Variants in TAFA1 observed in about 807,000 individuals in gnomAD.
TAFA1 encodes chemokine-like protein TAFA-1.
A neutral mutation model predicts 18.5 loss-of-function variants in TAFA1; 4 were observed. The observed-to-expected ratio is 0.22, with a 90% CI of 0.11 to 0.49. TAFA1 has a LOEUF of 0.49. Ranked by LOEUF, TAFA1 falls within the 20% of genes least tolerant of loss-of-function variation. The pLI is 0.98. For synonymous variants in TAFA1, 56 were observed against 55.2 expected, an observed-to-expected ratio of 1.01 and a Z score of -0.06; for missense variants, 147 against 169.0, an observed-to-expected ratio of 0.87 and a Z score of 0.72.
chr3:68,160,776 T>G (rs2065915991), intron 2 of TAFA1, among the ~76,000 whole-genome samples: 1 of 152,202 alleles, frequency 6.6e-6, no homozygotes, highest in African/African-American at 2.4e-5. Context: ...CTGGAGCCTG[T>G]GCTTTTATCT....
chr3:68,484,068 C>T (rs1321853584), intron 3 of TAFA1, among the ~76,000 whole-genome samples: 1 of 152,222 alleles, frequency 6.6e-6, no homozygotes, highest in Admixed American at 6.5e-5. Flanking sequence ...TAAAAAGACA[C>T]AAGTAAACTT....
intron 3 of TAFA1, among the ~76,000 whole-genome samples, chr3:68,477,630 C>A (rs550820825): frequency 5.3e-5 from 8 of 152,258 alleles, no homozygotes; most frequent in African/African-American, 1.9e-4. Context: ...ATCTGCCCAC[C>A]TTAGCCTCCC....
chr3:68,351,346 C>T (rs1001774907), intron 2 of TAFA1, among the ~76,000 whole-genome samples: 6 of 151,934 alleles, frequency 3.9e-5, no homozygotes, highest in African/African-American at 1.5e-4. Flanking sequence ...GATGAGCAAC[C>T]AAGACGATTG....
rs6797678 is a variant in TAFA1, at chr3:68,430,214, G to A, written c.259+12794G>A. On this transcript the variant is annotated intron_variant, in intron 3 of 4. Transcript: ENST00000478136. ...AGATTGGGGAACTAAGAAGACTTCCGTGAAGACGTGACAGGAAGCCTGAAA... is the reference window on the plus strand; with the variant it reads ...AGATTGGGGAACTAAGAAGACTTCCATGAAGACGTGACAGGAAGCCTGAAA... Among the ~76,000 whole-genome samples the A allele has an allele frequency of 9.0e-4, 137 of 151,980 alleles. 2 individuals carry two copies. Among genetic ancestry groups the A allele is most frequent in the Non-Finnish European group, 1.6e-3 (106 of 67,878 alleles).
intron 3 of TAFA1, among the ~76,000 whole-genome samples, chr3:68,468,144 G>T (rs2071925720): frequency 6.6e-6 from 1 of 152,120 alleles, no homozygotes; most frequent in African/African-American, 2.4e-5. Context: ...AAAACCAAGA[G>T]ATAGTGATAG....
chr3:68,085,210 T>C (rs1051409289), intron 2 of TAFA1, among the ~76,000 whole-genome samples: 29 of 152,166 alleles, frequency 1.9e-4, no homozygotes, highest in African/African-American at 6.8e-4. Context: ...GGATAATAAG[T>C]CTAAAGTCAG....
chr3:68,006,809 T>G, intron 2 of TAFA1, 65 bp downstream of exon 2: 2 of 1,171,584 alleles, frequency 1.7e-6, no homozygotes, highest in Admixed American at 3.4e-5. Flanking sequence ...TAACAGATGG[T>G]TGAATGCAAG....
chr3:68,465,670 A>C (rs2071874139), intron 3 of TAFA1, among the ~76,000 whole-genome samples: 1 of 152,202 alleles, frequency 6.6e-6, no homozygotes. Context: ...CTCACTGGAC[A>C]AGGTGGCCAC....
chr3:68,416,608 T>C (rs1476437244), intron 2 of TAFA1, among the ~76,000 whole-genome samples: 4 of 152,194 alleles, frequency 2.6e-5, no homozygotes, highest in Non-Finnish European at 2.9e-5. Context: ...AAGATCGTAG[T>C]GGAGAGTGAC....
intron 2 of TAFA1, among the ~76,000 whole-genome samples, chr3:68,173,463 A>G (rs1035367348): frequency 6.6e-6 from 1 of 152,192 alleles, no homozygotes; most frequent in Non-Finnish European, 1.5e-5. Flanking sequence ...CACAACTTTG[A>G]CATTATGTCT....
At chr3:68,444,802 AT>A in intron 3 of TAFA1, among the ~76,000 whole-genome samples, 1 of 94,034 alleles carries the variant, frequency 1.1e-5, no homozygotes, top group African/African-American at 4.3e-5. Flanking sequence ...ATATATATAT[AT>A]ATATATATAA....
At chr3:68,205,629 T>A (rs1359149464) in intron 2 of TAFA1, among the ~76,000 whole-genome samples, 1 of 151,868 alleles carries the variant, frequency 6.6e-6, no homozygotes, top group East Asian at 2.0e-4. Flanking sequence ...CCCTAGATGA[T>A]CTTTCCTTCA....
chr3:68,432,229 C>G (rs2071188465), intron 3 of TAFA1, among the ~76,000 whole-genome samples: 1 of 151,820 alleles, frequency 6.6e-6, no homozygotes, highest in African/African-American at 2.4e-5. Flanking sequence ...AAGTGGTGGT[C>G]TCATTTCATA....
At chr3:68,029,369 T>C (rs1056717096) in intron 2 of TAFA1, among the ~76,000 whole-genome samples, 2 of 152,196 alleles carry the variant, frequency 1.3e-5, no homozygotes, top group Non-Finnish European at 2.9e-5. Context: ...ACATCTCAAT[T>C]CAGATGCTCA....
chr3:68,253,022 C>T (rs560268625), intron 2 of TAFA1, among the ~76,000 whole-genome samples: 1 of 152,128 alleles, frequency 6.6e-6, no homozygotes, highest in Non-Finnish European at 1.5e-5. Context: ...GATTGTGAGG[C>T]CTCCCCAGCC....
At chr3:68,475,509 G>A (rs549458657) in intron 3 of TAFA1, among the ~76,000 whole-genome samples, 59 of 152,182 alleles carry the variant, frequency 3.9e-4, no homozygotes, top group East Asian at 1.2e-3. Context: ...TTATGGCTGC[G>A]TAGTATTCCA....
chr3:68,497,738 A>G (rs1482249216), intron 3 of TAFA1, among the ~76,000 whole-genome samples: 2 of 152,200 alleles, frequency 1.3e-5, no homozygotes, highest in Non-Finnish European at 2.9e-5. Flanking sequence ...ATTTGGATAT[A>G]TAATAAAGTC....
intron 2 of TAFA1, among the ~76,000 whole-genome samples, chr3:68,372,352 A>G (rs1008989915): frequency 3.3e-5 from 5 of 152,142 alleles, no homozygotes; most frequent in Admixed American, 6.6e-5. Flanking sequence ...ACAGCCGAAA[A>G]TGTACACGCA....
At chr3:68,422,804 C>T (rs1447079936) in intron 3 of TAFA1, among the ~76,000 whole-genome samples, 5 of 152,070 alleles carry the variant, frequency 3.3e-5, no homozygotes, top group Non-Finnish European at 7.4e-5. Flanking sequence ...GTGCCTAGCA[C>T]TATTCTGAAG....
Sources: gnomAD v4.1 joint callset for allele counts (sites outside exome capture counted in the v4.1 genomes callset) on GRCh38, gnomAD v4.1.1 for gene constraint, MANE v1.5 for transcripts, NCBI Gene and HGNC (gene_info 2026-07-23, HGNC 2026-07-21) for gene names.